Variants in TMEM11 observed in about 807,000 individuals in gnomAD.
The protein encoded by TMEM11 is transmembrane protein 11.
A neutral mutation model predicts 17.0 loss-of-function variants in TMEM11; 1 was observed. The ratio of observed to expected loss-of-function variants is 0.06; its 90% CI spans 0.02 to 0.28. The LOEUF is 0.28. Ranked by LOEUF, TMEM11 falls within the 10% of genes least tolerant of loss-of-function variation. TMEM11 has a pLI of 1.00. For missense variants in TMEM11, 172 were observed against 252.9 expected (o/e 0.68, Z 2.17); for synonymous variants, 122 against 118.1 (o/e 1.03, Z -0.21).
rs772902426 is a variant in TMEM11, at chr17:21,210,931, C to G, written c.62+3160G>C. 7 of 1,282,270 alleles carry G rather than the reference C, an allele frequency of 5.5e-6. No homozygotes were observed. The South Asian group carries it at 8.7e-5, about 16-fold the overall frequency. The allele number at this position is 1,282,270 out of a possible 1,614,324, so 79.4% of individuals were successfully genotyped here. A position where few individuals can be genotyped will look rare whatever the true frequency, so the allele number is the denominator to read the frequency against. On this transcript the variant is annotated intron_variant, in intron 1 of 1. Coordinates refer to ENST00000317635, the MANE Select transcript of TMEM11 (RefSeq NM_003876.3). The stretch of plus-strand genomic sequence containing the variant: ...AGGAACTCAAGAGCACACAGCTATA[C>G]TCACATTCCAACAATCACGGAGGGC...
chr17:21,209,656 C>T (rs1974981339), intron 1 of TMEM11, among the ~76,000 whole-genome samples: 1 of 152,124 alleles, frequency 6.6e-6, no homozygotes, highest in Non-Finnish European at 1.5e-5. Flanking sequence ...GTGGTCCCAG[C>T]TACTCGGGAG....
At chr17:21,206,024 T>A (rs1015363491) in intron 1 of TMEM11, among the ~76,000 whole-genome samples, 2 of 143,236 alleles carry the variant, frequency 1.4e-5, no homozygotes, top group Non-Finnish European at 3.0e-5. Flanking sequence ...TGCACAAACA[T>A]CTCTTTGAGT....
Position 21,198,059 on chromosome 17 carries a change from C to T in TMEM11, c.*265G>A, listed in dbSNP as rs1022018976. The T allele has an allele frequency of 2.7e-5, 12 of 447,564 alleles. No individual in the cohort carries two copies. The highest frequency in any genetic ancestry group is 1.6e-4 in the African/African-American group (8 of 50,956). The allele number at this position is 447,564 out of a possible 1,614,324, so 27.7% of individuals were successfully genotyped here. On this transcript the variant is annotated 3_prime_UTR_variant, in exon 2 of 2. Transcript: ENST00000317635. The surrounding 1 kb of genome is among the most constrained non-coding windows in gnomAD (Gnocchi z 6.5). ...CCCCCAAAGCACGTCCACACCCCCTCGGCAGCGTCTGCCTCCATCAGCATT... is the reference window on the plus strand; with the variant it reads ...CCCCCAAAGCACGTCCACACCCCCTTGGCAGCGTCTGCCTCCATCAGCATT...
chr17:21,198,364 A>G lies in TMEM11; in HGVS notation c.539T>C (p.Val180Ala), dbSNP rs891918221. 63 of 1,614,090 alleles carry G rather than the reference A, an allele frequency of 3.9e-5. No homozygotes were observed. Among genetic ancestry groups the G allele is most frequent in the Non-Finnish European group, 5.3e-5 (62 of 1,180,048 alleles). The part of the protein sequence containing the change: ...LHNTIALAAL[V>A]YCVKKIYELY... ...TTCGTAAATCTTCTTTACACAGTAC[A>G]CCAGGGCGGCCAGTGCTATCGTGTT... Residue 180 changes from valine to alanine, a missense_variant, in exon 2 of 2, where the codon GTG (valine) becomes GCG (alanine). This residue lies in a region of TMEM11 where 123 missense variants were observed against 213.6 expected (regional missense o/e 0.58). Transcript: ENST00000317635. The surrounding 1 kb of genome is among the most constrained non-coding windows in gnomAD (Gnocchi z 6.5).
chr17:21,203,991 C>CTTTTTT (rs368733534), intron 1 of TMEM11, among the ~76,000 whole-genome samples: 1 of 107,654 alleles, frequency 9.3e-6, no homozygotes, highest in Non-Finnish European at 1.8e-5. Flanking sequence ...ATTATATGGA[C>CTTTTTT]TTTTTTTTTT....
chr17:21,213,758 A>G (rs1975029135), intron 1 of TMEM11: 1 of 318,402 alleles, frequency 3.1e-6, no homozygotes, highest in Non-Finnish European at 5.8e-6. Context: ...TCAGCAGCCG[A>G]TCGGCCCGCG....
At chr17:21,211,318 G>T in intron 1 of TMEM11, 1 of 942,008 alleles carries the variant, frequency 1.1e-6, no homozygotes, top group Non-Finnish European at 1.5e-6. Flanking sequence ...AACCAGCACT[G>T]TCCATATCAT....
chr17:21,211,295 C>T lies in TMEM11; in HGVS notation c.62+2796G>A. ...TACCATTTTGCTATTTCCACCCCTC[C>T]TATCTTAGTCGAAACCAGCACTGTC... On this transcript the variant is annotated intron_variant, in intron 1 of 1. Transcript: ENST00000317635. 6.0e-6 allele frequency: 7 copies of T among 1,168,304 alleles called. No individual in the cohort carries two copies. In the South Asian group the frequency reaches 9.2e-5, roughly 15 times the overall value. 72.4% of individuals were successfully genotyped at this position (1,168,304 alleles called of 1,614,324 possible).
chr17:21,199,443 A>G (rs1410386988), intron 1 of TMEM11, among the ~76,000 whole-genome samples: 2 of 152,088 alleles, frequency 1.3e-5, no homozygotes, highest in Non-Finnish European at 2.9e-5. Context: ...GATCTGAGTC[A>G]GCAAAGGAGC....
intron 1 of TMEM11, among the ~76,000 whole-genome samples, chr17:21,203,720 G>C (rs1234800748): frequency 1.3e-5 from 1 of 79,592 alleles, no homozygotes; most frequent in African/African-American, 3.6e-5. Flanking sequence ...AAAGAAAAAA[G>C]AAACTGCCAA....
intron 1 of TMEM11, among the ~76,000 whole-genome samples, chr17:21,210,581 C>T (rs1396650289): frequency 2.6e-5 from 4 of 152,194 alleles, no homozygotes; most frequent in South Asian, 2.1e-4. Context: ...CCCAACCTGC[C>T]CCCGGGGCCT....
intron 1 of TMEM11, among the ~76,000 whole-genome samples, chr17:21,204,277 T>C (rs1013367022): frequency 6.6e-6 from 1 of 151,106 alleles, no homozygotes; most frequent in South Asian, 2.1e-4. Context: ...CTGCTACAAA[T>C]ACAAAAATTA....
chr17:21,214,114 G>A lies in TMEM11; in HGVS notation c.39C>T (p.Ser13=), dbSNP rs1975035921. ...ACCTCTCTCGGGCGCTGCCGCCACTGCTGCCCGGGCCAAGACGCCTCCTTC... is the reference window on the plus strand; with the variant it reads ...ACCTCTCTCGGGCGCTGCCGCCACTACTGCCCGGGCCAAGACGCCTCCTTC... The part of the protein sequence containing the change: ...AWGRRRLGPG[S]SGGSARERVS... The change falls in exon 1 of 2, where the codon AGC becomes AGT. Residue 13 remains serine, a synonymous_variant. Coordinates refer to ENST00000317635, the MANE Select transcript of TMEM11 (RefSeq NM_003876.3). 1 of 1,611,890 alleles carries A rather than the reference G, an allele frequency of 6.2e-7. No homozygotes were observed. The highest frequency in any genetic ancestry group is 8.5e-7 in the Non-Finnish European group (1 of 1,179,560).
intron 1 of TMEM11, among the ~76,000 whole-genome samples, chr17:21,201,023 G>T (rs561563898): frequency 1.7e-4 from 26 of 152,328 alleles, no homozygotes; most frequent in African/African-American, 6.0e-4. Flanking sequence ...CAAGGAAAAA[G>T]AACAGGCAAT....
intron 1 of TMEM11, among the ~76,000 whole-genome samples, chr17:21,212,738 G>A (rs564539991): frequency 6.6e-6 from 1 of 152,316 alleles, no homozygotes; most frequent in South Asian, 2.1e-4. Flanking sequence ...CAACAAGAGG[G>A]CGTATGTTTC....
chr17:21,203,694 G>GAAAAAAAAAGA (rs1555542164), intron 1 of TMEM11, among the ~76,000 whole-genome samples: 1 of 143,650 alleles, frequency 7.0e-6, no homozygotes, highest in Non-Finnish European at 1.5e-5. Flanking sequence ...ATGACAGAAA[G>GAAAAAAAAAGA]AAAAAAAAGA....
At chr17:21,213,944 C>T in intron 1 of TMEM11, 147 bp downstream of exon 1, 1 of 770,258 alleles carries the variant, frequency 1.3e-6, no homozygotes, top group South Asian at 1.8e-5. Flanking sequence ...CCCGGATCCT[C>T]CGGAACTGGA....
chr17:21,214,053 GC>G, intron 1 of TMEM11, 37 bp downstream of exon 1: 2 of 1,585,956 alleles, frequency 1.3e-6, no homozygotes, highest in South Asian at 2.3e-5. Context: ...CGGCCGCTGA[GC>G]CGCCTGCACT....
intron 1 of TMEM11, among the ~76,000 whole-genome samples, chr17:21,207,110 G>C (rs1974950323): frequency 6.6e-6 from 1 of 152,112 alleles, no homozygotes; most frequent in African/African-American, 2.4e-5. Context: ...CCTGTAACGT[G>C]GTCTTCAACA....
Sources: gnomAD v4.1 joint callset for allele counts (sites outside exome capture counted in the v4.1 genomes callset) on GRCh38, gnomAD v4.1.1 for gene constraint, gnomAD v4.1.1 regional missense constraint, Gnocchi (gnomAD v3.1) non-coding constraint, MANE v1.5 for transcripts, NCBI Gene and HGNC (gene_info 2026-07-23, HGNC 2026-07-21) for gene names.